The following ZMYM5 variants were observed in gnomAD, a reference collection of about 807,000 sequenced individuals.
ZMYM5 encodes zinc finger MYM-type containing 5.
ZMYM5 carries 41 observed loss-of-function variants against 61.8 expected under a neutral mutation model. The observed-to-expected ratio is 0.66, with a 90% CI of 0.52 to 0.86. The LOEUF is 0.86. Among genes scored for constraint, ZMYM5 ranks in the 40% least tolerant of loss-of-function variants. The pLI, the probability that ZMYM5 is intolerant of heterozygous loss-of-function variation, is 0.00. For missense variants in ZMYM5, 706 were observed against 786.7 expected, an observed-to-expected ratio of 0.90 and a Z score of 1.23; for synonymous variants, 257 against 276.4, an observed-to-expected ratio of 0.93 and a Z score of 0.70.
intron 2 of ZMYM5, among the ~76,000 whole-genome samples, chr13:19,862,014 A>G (rs1953785052): frequency 6.6e-6 from 1 of 152,206 alleles, no homozygotes; most frequent in African/African-American, 2.4e-5. Flanking sequence ...GGGTACATAA[A>G]TAACAGTCTT....
chr13:19,855,018 CA>C (rs763057720), intron 2 of ZMYM5, among the ~76,000 whole-genome samples: 2 of 151,962 alleles, frequency 1.3e-5, no homozygotes, highest in African/African-American at 2.4e-5. Context: ...AGATAAATAA[CA>C]AATTTAAGGA....
chr13:19,834,277 C>T (rs1470324298), intron 7 of ZMYM5, among the ~76,000 whole-genome samples: 4 of 147,716 alleles, frequency 2.7e-5, no homozygotes, highest in Non-Finnish European at 6.0e-5. Context: ...CACGTCCAGC[C>T]TATTTTTTCT....
intron 2 of ZMYM5, among the ~76,000 whole-genome samples, chr13:19,856,285 A>T (rs1350359243): frequency 6.6e-6 from 1 of 152,146 alleles, no homozygotes; most frequent in African/African-American, 2.4e-5. Context: ...AAGCTTTTTA[A>T]TGAGGTGAGT....
chr13:19,825,638 C>T (rs1352147947), intron 7 of ZMYM5, among the ~76,000 whole-genome samples: 2 of 150,024 alleles, frequency 1.3e-5, no homozygotes, highest in African/African-American at 2.5e-5. Context: ...AAGAGTGAGA[C>T]CCTGTCCCAA....
chr13:19,830,754 G>A (rs1206847168), intron 7 of ZMYM5, among the ~76,000 whole-genome samples: 1 of 151,852 alleles, frequency 6.6e-6, no homozygotes, highest in Non-Finnish European at 1.5e-5. Flanking sequence ...TCAAACTCCT[G>A]AGCTCAAGCG....
intron 7 of ZMYM5, among the ~76,000 whole-genome samples, chr13:19,826,423 A>G: frequency 6.6e-6 from 1 of 152,128 alleles, no homozygotes; most frequent in East Asian, 1.9e-4. Context: ...ATGACCCAGC[A>G]ATTCCACTCC....
intron 7 of ZMYM5, among the ~76,000 whole-genome samples, chr13:19,826,494 C>T (rs553127692): frequency 1.4e-3 from 208 of 152,176 alleles, no homozygotes; most frequent in Non-Finnish European, 2.0e-3. Flanking sequence ...TGGTGGCGCA[C>T]GCCTGTAATC....
At chr13:19,842,991 T>G (rs952501897) in intron 4 of ZMYM5, among the ~76,000 whole-genome samples, 1 of 150,702 alleles carries the variant, frequency 6.6e-6, no homozygotes, top group African/African-American at 2.4e-5. Context: ...AAAAAAGTTT[T>G]TTTACATGGA....
intron 6 of ZMYM5, among the ~76,000 whole-genome samples, chr13:19,836,647 C>CT (rs919577572): frequency 6.6e-6 from 1 of 152,136 alleles, no homozygotes; most frequent in Non-Finnish European, 1.5e-5. Flanking sequence ...GTAAAGTTCA[C>CT]TGCCCTAGAA....
intron 4 of ZMYM5, among the ~76,000 whole-genome samples, chr13:19,842,391 A>G (rs1952908927): frequency 6.6e-6 from 1 of 152,234 alleles, no homozygotes; most frequent in Admixed American, 6.5e-5. Flanking sequence ...TGGGAAATAC[A>G]CAGCAACTAA....
chr13:19,834,137 C>T (rs1224369947), intron 7 of ZMYM5, among the ~76,000 whole-genome samples: 2 of 150,202 alleles, frequency 1.3e-5, no homozygotes, highest in East Asian at 1.9e-4. Flanking sequence ...CCACCATGCC[C>T]GGCTTATTTT....
rs114972075 is a variant in ZMYM5, at chr13:19,845,956, C to T, written c.586+5399G>A. Among the ~76,000 whole-genome samples, 901 of 152,296 alleles carry T rather than the reference C, an allele frequency of 5.9e-3. 12 individuals are homozygous for T. The highest frequency in any genetic ancestry group is 0.02 in the African/African-American group (851 of 41,564). On this transcript the variant is annotated intron_variant, in intron 4 of 7. Transcript: ENST00000337963. The stretch of plus-strand genomic sequence containing the variant: ...ATCCCCTCCTCTCCCAGACTTTGGG[C>T]TGGCTCAAAGACCCAAGTTTCAATC...
chr13:19,835,430 G>C lies in ZMYM5; in HGVS notation c.1251+47C>G, dbSNP rs779064174. ...TCCGGTTCATGTAAGATGTAAGGGT[G>C]AAGCTACTATATATTTGATCATTTA... On this transcript the variant is annotated intron_variant, in intron 7 of 7. Transcript: ENST00000337963. 7 of 1,235,764 alleles carry C rather than the reference G, an allele frequency of 5.7e-6. No homozygotes were observed. The South Asian group carries it at 8.5e-5, about 15-fold the overall frequency. The allele number at this position is 1,235,764 out of a possible 1,614,324, so 76.5% of individuals were successfully genotyped here.
chr13:19,841,500 T>C (rs1952876917), intron 4 of ZMYM5, among the ~76,000 whole-genome samples: 1 of 151,490 alleles, frequency 6.6e-6, no homozygotes. Flanking sequence ...TTGTTATTTG[T>C]AGCTCTTGAT....
chr13:19,839,275 G>C (rs1952782091), intron 4 of ZMYM5, among the ~76,000 whole-genome samples: 1 of 152,084 alleles, frequency 6.6e-6, no homozygotes, highest in Non-Finnish European at 1.5e-5. Context: ...AAGATCTCCT[G>C]AATGTAATAT....
chr13:19,832,252 T>C (rs1891264616), intron 7 of ZMYM5, among the ~76,000 whole-genome samples: 1 of 152,102 alleles, frequency 6.6e-6, no homozygotes, highest in Non-Finnish European at 1.5e-5. Flanking sequence ...AGGATAAGCA[T>C]TATGGTATTT....
intron 2 of ZMYM5, among the ~76,000 whole-genome samples, 157 bp downstream of exon 2, chr13:19,862,242 C>A (rs1445822534): frequency 6.6e-6 from 1 of 152,074 alleles, no homozygotes; most frequent in Non-Finnish European, 1.5e-5. Context: ...CCAGGGACTA[C>A]CATGGCTTGG....
intron 4 of ZMYM5, among the ~76,000 whole-genome samples, chr13:19,845,748 G>A (rs1222447605): frequency 6.6e-6 from 1 of 152,178 alleles, no homozygotes; most frequent in African/African-American, 2.4e-5. Context: ...GCAAGGTCTG[G>A]GAGGGTCCCA....
intron 1 of ZMYM5, among the ~76,000 whole-genome samples, chr13:19,862,839 G>A (rs1373352008): frequency 2.6e-5 from 4 of 152,208 alleles, no homozygotes; most frequent in South Asian, 2.1e-4. Context: ...CAGAGGTAAC[G>A]GGCGGCGCGC....
Sources: gnomAD v4.1 joint callset for allele counts (sites outside exome capture counted in the v4.1 genomes callset) on GRCh38, gnomAD v4.1.1 for gene constraint, MANE v1.5 for transcripts, NCBI Gene and HGNC (gene_info 2026-07-23, HGNC 2026-07-21) for gene names.